PTPN14: variants seen among roughly 807,000 people sequenced by gnomAD.
PTPN14 encodes the protein tyrosine-protein phosphatase non-receptor type 14.
In PTPN14, 53 loss-of-function variants were observed where a neutral mutation model predicts 126.8. The observed-to-expected ratio is 0.42, with a 90% CI of 0.34 to 0.53. The LOEUF is 0.53. Ranked by LOEUF, PTPN14 falls within the 20% of genes least tolerant of loss-of-function variation. The pLI is 0.08. For synonymous variants in PTPN14, 630 were observed against 599.3 expected (o/e 1.05, Z -0.75); for missense variants, 1,257 against 1,552.9 (o/e 0.81, Z 3.20).
chr1:214,396,320 C>T (rs1360779165), intron 8 of PTPN14, among the ~76,000 whole-genome samples: 2 of 152,142 alleles, frequency 1.3e-5, no homozygotes, highest in African/African-American at 4.8e-5. Flanking sequence ...GCCTTTCCTC[C>T]AGTCATCATT....
intron 1 of PTPN14, chr1:214,532,580 T>C: frequency 3.8e-6 from 4 of 1,054,944 alleles, no homozygotes; most frequent in Non-Finnish European, 5.9e-6. Context: ...TTCAAGATCA[T>C]CGAGGACCTG....
rs57429060 is a variant in PTPN14 at position 214,364,766 on chromosome 1, AGT to A, written c.3272-93_3272-92del. 0.08 allele frequency: 47,484 copies of A among 590,206 alleles called. 1,164 individuals are homozygous for A. Among genetic ancestry groups the A allele is most frequent in the East Asian group, 0.3 (8,462 of 28,456 alleles). 36.6% of individuals were successfully genotyped at this position (590,206 alleles called of 1,614,324 possible). On this transcript the variant is annotated intron_variant, in intron 17 of 18. Transcript: ENST00000366956. This position sits in a 1 kb window ranked among gnomAD's most constrained non-coding sequence, Gnocchi z 4.1. ...GGGGAGCGGAAGAGAACTGATGGTGAGTGTGTGTGTGTGTGTGTGTGTGTGTG... is the reference window on the plus strand; with the variant it reads ...GGGGAGCGGAAGAGAACTGATGGTGAGTGTGTGTGTGTGTGTGTGTGTGTG...
rs188488353 is a variant in PTPN14, at chr1:214,538,595, T to G, written c.-155+12588A>C. On this transcript the variant is annotated intron_variant, in intron 1 of 18. Transcript: ENST00000366956. ...CTGTTCATATTATTTATATTCACAATGCCTGTTACGTGCCCAATTACACAA... is the reference window on the plus strand; with the variant it reads ...CTGTTCATATTATTTATATTCACAAGGCCTGTTACGTGCCCAATTACACAA... Among the ~76,000 whole-genome samples the G allele has an allele frequency of 1.4e-4, 21 of 152,324 alleles. No individual in the cohort carries two copies. In the East Asian group the frequency reaches 4.0e-3, roughly 29 times the overall value.
intron 2 of PTPN14, among the ~76,000 whole-genome samples, chr1:214,457,328 T>C (rs1206005711): frequency 6.6e-6 from 1 of 152,186 alleles, no homozygotes; most frequent in African/African-American, 2.4e-5. Flanking sequence ...TTTTAAAAGC[T>C]TTTTTACACT....
In PTPN14 at chr1:214,351,290, T is replaced by TAAAAAAAAAAAAAAAAAAA. The variant is rs557321966; in HGVS notation, c.*6631_*6632insTTTTTTTTTTTTTTTTTTT. 1.1e-4 allele frequency: 7 copies of TAAAAAAAAAAAAAAAAAAA among 61,426 alleles called. No homozygotes were observed. Among genetic ancestry groups the TAAAAAAAAAAAAAAAAAAA allele is most frequent in the Non-Finnish European group, 1.1e-4 (3 of 28,044 alleles). 3.8% of individuals were successfully genotyped at this position (61,426 alleles called of 1,614,324 possible). A position where few individuals can be genotyped will look rare whatever the true frequency, so the allele number is the denominator to read the frequency against. On this transcript the variant is annotated 3_prime_UTR_variant, in exon 19 of 19. Transcript: ENST00000366956. Reference sequence around the variant, plus strand: ...AGGAGTGAGACACGATCTCAAAAACTAAAAAAAAAAAAAAAAAGAAAAAGA... The same window carrying TAAAAAAAAAAAAAAAAAAA: ...AGGAGTGAGACACGATCTCAAAAACTAAAAAAAAAAAAAAAAAAAAAAAAAAAAAAAAAAAAGAAAAAGA...
chr1:214,500,618 T>A lies in PTPN14; in HGVS notation c.-154-35661A>T, dbSNP rs146219961. ...CAACCTCCTAATGTTTCAGAACCAC[T>A]GAGGGACAGACAGAAACAATCAATT... On this transcript the variant is annotated intron_variant, in intron 1 of 18. Coordinates refer to ENST00000366956, the MANE Select transcript of PTPN14 (RefSeq NM_005401.5). 1.2e-4 allele frequency among the ~76,000 whole-genome samples: 19 copies of A among 152,140 alleles called. No homozygotes were observed. In the East Asian group the frequency reaches 3.5e-3, roughly 28 times the overall value.
intron 4 of PTPN14, 33 bp downstream of exon 4, chr1:214,414,596 G>T (rs367848046): frequency 1.3e-6 from 2 of 1,570,106 alleles, no homozygotes; most frequent in African/African-American, 1.4e-5. Flanking sequence ...ACAGAAAATG[G>T]AATTTCACAT....
intron 3 of PTPN14, among the ~76,000 whole-genome samples, chr1:214,438,025 A>G (rs1659958074): frequency 6.6e-6 from 1 of 152,238 alleles, no homozygotes; most frequent in Non-Finnish European, 1.5e-5. Flanking sequence ...GACCACACTC[A>G]AAGAACCAAC....
intron 2 of PTPN14, among the ~76,000 whole-genome samples, chr1:214,461,584 C>T (rs941829830): frequency 5.3e-5 from 8 of 151,060 alleles, no homozygotes; most frequent in African/African-American, 1.5e-4. Context: ...GAGTCATGAT[C>T]GTACCAGTGC....
At chr1:214,463,277 C>T (rs1387852057) in intron 2 of PTPN14, among the ~76,000 whole-genome samples, 1 of 151,904 alleles carries the variant, frequency 6.6e-6, no homozygotes, top group Non-Finnish European at 1.5e-5. Context: ...TGCATACATG[C>T]AAATGTGTGT....
chr1:214,532,839 A>G, intron 1 of PTPN14: 1 of 950,076 alleles, frequency 1.1e-6, no homozygotes, highest in Non-Finnish European at 1.7e-6. Context: ...AAGATGAACT[A>G]AAAGGCCTAC....
chr1:214,521,522 G>A (rs1377278066), intron 1 of PTPN14, among the ~76,000 whole-genome samples: 1 of 152,210 alleles, frequency 6.6e-6, no homozygotes, highest in East Asian at 1.9e-4. Flanking sequence ...AAACCAGCCT[G>A]GCTAACATGG....
At chr1:214,471,441 T>C (rs1660757419) in intron 1 of PTPN14, among the ~76,000 whole-genome samples, 1 of 152,192 alleles carries the variant, frequency 6.6e-6, no homozygotes, top group Non-Finnish European at 1.5e-5. Flanking sequence ...ATACCCTACC[T>C]ATTTGTGAGA....
chr1:214,491,932 A>T (rs1661259774), intron 1 of PTPN14, among the ~76,000 whole-genome samples: 1 of 152,170 alleles, frequency 6.6e-6, no homozygotes, highest in Admixed American at 6.6e-5. Flanking sequence ...TTAAAGACCC[A>T]GGTGTCATAT....
chr1:214,522,132 G>A (rs983214830), intron 1 of PTPN14, among the ~76,000 whole-genome samples: 2 of 151,718 alleles, frequency 1.3e-5, no homozygotes, highest in African/African-American at 2.4e-5. Flanking sequence ...AGACAGTTTC[G>A]CCATGTCGGC....
intron 1 of PTPN14, among the ~76,000 whole-genome samples, chr1:214,541,683 C>A (rs1386368542): frequency 6.6e-6 from 1 of 152,170 alleles, no homozygotes; most frequent in African/African-American, 2.4e-5. Context: ...AAAAGCCCAT[C>A]AGAAAGCATT....
rs182036642 is a variant in PTPN14 at position 214,452,229 on chromosome 1, T to C, written c.175-255A>G. On this transcript the variant is annotated intron_variant, in intron 2 of 18. Transcript: ENST00000366956. ...GTGCTTGCAGATACCAAAGCGCCCA[T>C]GTGAGGTAAGGGGAGTCGCGCAGGG... is the stretch of plus-strand genomic sequence containing the variant. 3.0e-3 allele frequency among the ~76,000 whole-genome samples: 461 copies of C among 152,308 alleles called. 1 individual carries two copies. Among genetic ancestry groups the C allele is most frequent in the Non-Finnish European group, 5.5e-3 (374 of 68,018 alleles).
chr1:214,441,035 T>A (rs1660026959), intron 3 of PTPN14, among the ~76,000 whole-genome samples: 1 of 152,194 alleles, frequency 6.6e-6, no homozygotes, highest in African/African-American at 2.4e-5. Flanking sequence ...TCCCTGTTAC[T>A]CTGATAAAGC....
intron 1 of PTPN14, among the ~76,000 whole-genome samples, chr1:214,495,076 C>T (rs1326584178): frequency 2.0e-5 from 3 of 152,148 alleles, no homozygotes; most frequent in Admixed American, 1.3e-4. Context: ...CAGAAAGGGA[C>T]ACACAGAGTT....
Sources: allele counts gnomAD v4.1 joint callset (sites outside exome capture counted in the v4.1 genomes callset), GRCh38; gene constraint gnomAD v4.1.1; non-coding constraint Gnocchi (gnomAD v3.1); transcripts MANE v1.5; gene names NCBI Gene and HGNC (gene_info 2026-07-23, HGNC 2026-07-21).